Variants in CACNA1S observed in about 807,000 individuals in gnomAD.
CACNA1S encodes calcium voltage-gated channel subunit alpha1 S.
CACNA1S carries 126 observed loss-of-function variants against 207.4 expected under a neutral mutation model. The observed-to-expected ratio is 0.61, with a 90% CI of 0.53 to 0.70. The LOEUF (loss-of-function observed/expected upper bound fraction) is 0.70, where lower values mean the gene tolerates loss of function less well. Among genes scored for constraint, CACNA1S ranks in the 30% least tolerant of loss-of-function variants. The pLI is 0.00. For synonymous variants in CACNA1S, 960 were observed against 932.7 expected (o/e 1.03, Z -0.53); for missense variants, 2,349 against 2,422.8 (o/e 0.97, Z 0.64).
rs1572033019 is a variant in CACNA1S, at chr1:201,058,432, A to G, written c.3585T>C (p.Ile1195=). 6.2e-7 allele frequency: 1 copy of G among 1,614,186 alleles called. No individual in the cohort carries two copies. Among genetic ancestry groups the G allele is most frequent in the Admixed American group, 1.7e-5 (1 of 60,038 alleles). Residue 1195 remains isoleucine, a synonymous_variant, in exon 28 of 44, where the codon ATT becomes ATC. Transcript: ENST00000362061. The part of the protein sequence containing the change: ...FDFLIVIGSI[I]DVILSEIDTF... ...CGTCGATCTCACTGAGGATGACATC[A>G]ATGATGCTGCCAATGACAATCAGGA...
Position 201,109,963 on chromosome 1 carries a change from T to TCA in CACNA1S, c.258+199_258+200dup, listed in dbSNP as rs112116400. ...GCGTGCTTAGTGCTGGCTGACAGTA[T>TCA]CAGAATCTGGAATAAGCAGGTTGAC... On this transcript the variant is annotated intron_variant, in intron 2 of 43. Coordinates refer to ENST00000362061, the MANE Select transcript of CACNA1S (RefSeq NM_000069.3). Among the ~76,000 whole-genome samples the TCA allele has an allele frequency of 0.022, 3,320 of 152,144 alleles. 120 individuals carry two copies. Among genetic ancestry groups the TCA allele is most frequent in the African/African-American group, 0.076 (3,157 of 41,462 alleles).
At chr1:201,075,419 C>T in intron 13 of CACNA1S, 76 bp downstream of exon 13, 1 of 1,593,952 alleles carries the variant, frequency 6.3e-7, no homozygotes, top group Non-Finnish European at 8.6e-7. Context: ...AACTGGACAC[C>T]CTTGACCCCC....
intron 12 of CACNA1S, among the ~76,000 whole-genome samples, chr1:201,075,939 G>T (rs555921342): frequency 6.6e-6 from 1 of 152,136 alleles, no homozygotes; most frequent in Non-Finnish European, 1.5e-5. Flanking sequence ...ATGGTGGTGG[G>T]CACCTGTAAT....
rs12043576 is a variant in CACNA1S, at chr1:201,098,464, C to G, written c.259-4443G>C. ...AGAGAACAGTGTCATCAATGCAGTA[C>G]ACCCATGCAGTAGGACCATGTATCA... On this transcript the variant is annotated intron_variant, in intron 2 of 43. Transcript: ENST00000362061. Among the ~76,000 whole-genome samples the G allele has an allele frequency of 7.2e-4, 110 of 152,320 alleles. 1 individual carries two copies. In the East Asian group the frequency reaches 0.02, roughly 28 times the overall value.
At position 201,039,909 on chromosome 1, in the gene CACNA1S, G is replaced by C. The variant is rs1660061995; in HGVS notation, c.5544C>G (p.Cys1848Trp). 1 of 1,613,750 alleles carries C rather than the reference G, an allele frequency of 6.2e-7. No homozygotes were observed. The highest frequency in any genetic ancestry group is 2.2e-5 in the East Asian group (1 of 44,886). The change falls in exon 44 of 44, where the codon TGC becomes TGG. Residue 1848 changes from cysteine to tryptophan, a missense_variant. Coordinates refer to ENST00000362061, the MANE Select transcript of CACNA1S (RefSeq NM_000069.3). ...APEGMASSLG[C>W]LNLGSSLGSL... ...TGCCCAGGGAGGACCCGAGGTTCAG[G>C]CATCCCAGGGAGCTGGCCATGCCCT... is the stretch of plus-strand genomic sequence containing the variant.
rs778705388 is a variant in CACNA1S at position 201,070,321 on chromosome 1, C to A, written c.2311G>T (p.Val771Leu). 6.2e-7 allele frequency: 1 copy of A among 1,613,974 alleles called. No individual in the cohort carries two copies. The highest frequency in any genetic ancestry group is 1.3e-5 in the African/African-American group (1 of 74,930). The part of the protein sequence containing the change: ...LAELQLKEKA[V>L]PIPEASSFFI... ...AAGGAGCTGGCTTCTGGAATGGGCA[C>A]GGCCTTCTCTTTCAGCTGCAGCTCA... The change falls in exon 17 of 44, where the codon GTG becomes TTG. Residue 771 changes from valine to leucine, a missense_variant. Coordinates refer to ENST00000362061, the MANE Select transcript of CACNA1S (RefSeq NM_000069.3).
chr1:201,042,971 G>A lies in CACNA1S; in HGVS notation c.5048+310C>T, dbSNP rs1558051471. 4.9e-5 allele frequency: 18 copies of A among 365,926 alleles called. 1 individual carries two copies. The highest frequency in any genetic ancestry group is 3.0e-4 in the South Asian group (12 of 39,916). The allele number at this position is 365,926 out of a possible 1,614,324, so 22.7% of individuals were successfully genotyped here. A position where few individuals can be genotyped will look rare whatever the true frequency, so the allele number is the denominator to read the frequency against. On this transcript the variant is annotated intron_variant, in intron 40 of 43. Transcript: ENST00000362061. ...GTCTTTTGTGGTATGTGCTACCACC[G>A]AAGATCCTCTCCTAACCTATCATGT...
At chr1:201,083,451 A>C (rs1371548427) in intron 9 of CACNA1S, 129 bp from the exon 10 acceptor site, 26 of 897,104 alleles carry the variant, frequency 2.9e-5, no homozygotes, top group Admixed American at 5.3e-5. Context: ...ACATGAGAGA[A>C]GCTCAGGGCA....
intron 2 of CACNA1S, among the ~76,000 whole-genome samples, chr1:201,097,635 C>T (rs1662486070): frequency 6.6e-6 from 1 of 152,224 alleles, no homozygotes; most frequent in Non-Finnish European, 1.5e-5. Flanking sequence ...CCACGTCATC[C>T]TCACATGTGT....
chr1:201,094,041 C>A lies in CACNA1S; in HGVS notation c.259-20G>T. On this transcript the variant is annotated intron_variant, in intron 2 of 43. Transcript: ENST00000362061. ...CTTCTCCTGTGGGAGCAAACGTGGT[C>A]ACAGCATGCCTCTGTGCTCTCTGAG... 1.2e-6 allele frequency: 2 copies of A among 1,614,050 alleles called. No individual in the cohort carries two copies. The highest frequency in any genetic ancestry group is 2.2e-5 in the South Asian group (2 of 91,010).
intron 10 of CACNA1S, among the ~76,000 whole-genome samples, chr1:201,080,646 A>C (rs1661809467): frequency 6.6e-6 from 1 of 151,818 alleles, no homozygotes; most frequent in South Asian, 2.1e-4. Flanking sequence ...CTGTTCTATC[A>C]TCTCAGGTTT....
At chr1:201,102,323 G>A (rs962879923) in intron 2 of CACNA1S, among the ~76,000 whole-genome samples, 8 of 152,162 alleles carry the variant, frequency 5.3e-5, no homozygotes, top group Admixed American at 6.5e-5. Context: ...ACTGAGACGG[G>A]CTTCCCACAT....
At chr1:201,051,532 C>T (rs558324341) in intron 32 of CACNA1S, among the ~76,000 whole-genome samples, 40 of 152,342 alleles carry the variant, frequency 2.6e-4, no homozygotes, top group African/African-American at 9.1e-4. Flanking sequence ...ATTCAACTGC[C>T]ACCCACTCTG....
intron 28 of CACNA1S, among the ~76,000 whole-genome samples, chr1:201,057,600 T>C (rs1367684059): frequency 2.0e-5 from 3 of 152,206 alleles, no homozygotes; most frequent in Non-Finnish European, 4.4e-5. Context: ...GTGAGTCTTC[T>C]AACTGGGTCT....
At position 201,043,272 on chromosome 1, in the gene CACNA1S, C is replaced by T. The variant is rs375072747; in HGVS notation, c.5048+9G>A. 39 of 1,613,930 alleles carry T rather than the reference C, an allele frequency of 2.4e-5. No homozygotes were observed. The highest frequency in any genetic ancestry group is 4.5e-5 in the East Asian group (2 of 44,886). On this transcript the variant is annotated intron_variant, in intron 40 of 43. Transcript: ENST00000362061. ...CTCTACACCCAGGGATGGCAGTGGC[C>T]GCCACTACCTGGAAAACACATGGCT...
chr1:201,098,401 A>T (rs899399735), intron 2 of CACNA1S, among the ~76,000 whole-genome samples: 1 of 152,228 alleles, frequency 6.6e-6, no homozygotes, highest in Non-Finnish European at 1.5e-5. Flanking sequence ...GGGTTTGTCA[A>T]AGTCACATGG....
chr1:201,053,437 G>C lies in CACNA1S; in HGVS notation c.3795+22C>G. On this transcript the variant is annotated intron_variant, in intron 30 of 43. Coordinates refer to ENST00000362061, the MANE Select transcript of CACNA1S (RefSeq NM_000069.3). The surrounding 1 kb of genome is among the most constrained non-coding windows in gnomAD (Gnocchi z 5.1). The stretch of plus-strand genomic sequence containing the variant: ...CTAGTGGCCTCCCCAGGTACGTGCA[G>C]TTTCCAGGGTCCCTGTTGCACCTGG... 1 of 1,614,140 alleles carries C rather than the reference G, an allele frequency of 6.2e-7. No homozygotes were observed. Among genetic ancestry groups the C allele is most frequent in the Non-Finnish European group, 8.5e-7 (1 of 1,180,002 alleles).
At chr1:201,088,467 T>C (rs1404799456) in intron 6 of CACNA1S, among the ~76,000 whole-genome samples, 2 of 152,170 alleles carry the variant, frequency 1.3e-5, no homozygotes, top group Non-Finnish European at 2.9e-5. Context: ...ACAATAAATA[T>C]TTGTACTAAT....
intron 2 of CACNA1S, among the ~76,000 whole-genome samples, chr1:201,100,988 C>T (rs574071072): frequency 4.6e-5 from 7 of 152,090 alleles, no homozygotes; most frequent in South Asian, 2.1e-4. Flanking sequence ...GCCTAGAAAG[C>T]GGATACTCTC....
Sources: gnomAD v4.1 joint callset for allele counts (sites outside exome capture counted in the v4.1 genomes callset) on GRCh38, gnomAD v4.1.1 for gene constraint, Gnocchi (gnomAD v3.1) non-coding constraint, MANE v1.5 for transcripts, NCBI Gene and HGNC (gene_info 2026-07-23, HGNC 2026-07-21) for gene names.